RORA: variants seen among roughly 807,000 people sequenced by gnomAD.
RORA encodes RAR related orphan receptor A, also known as nuclear receptor ROR-alpha.
A neutral mutation model predicts 69.5 loss-of-function variants in RORA; 7 were observed. That is an observed-to-expected ratio of 0.10 (90% CI 0.06 to 0.19). The LOEUF (loss-of-function observed/expected upper bound fraction) is 0.19. Among genes scored for constraint, RORA ranks in the 10% least tolerant of loss-of-function variants. The pLI is 1.00. For missense variants in RORA, 457 were observed against 663.0 expected (o/e 0.69, Z 3.41); for synonymous variants, 261 against 240.8 (o/e 1.08, Z -0.78).
At chr15:61,065,843 A>G (rs1320948496) in intron 1 of RORA, among the ~76,000 whole-genome samples, 1 of 152,002 alleles carries the variant, frequency 6.6e-6, no homozygotes, top group Non-Finnish European at 1.5e-5. Context: ...CTCTGATCCT[A>G]CTCCTTTAAT....
chr15:61,027,294 C>T (rs1197670987), intron 1 of RORA, among the ~76,000 whole-genome samples: 1 of 152,170 alleles, frequency 6.6e-6, no homozygotes, highest in Non-Finnish European at 1.5e-5. Context: ...TCATTTTAGT[C>T]TTGGCCTGAA....
At position 61,066,837 on chromosome 15, in the gene RORA, C is replaced by A. The variant is rs760475222; in HGVS notation, c.166+162216G>T. On this transcript the variant is annotated intron_variant, in intron 1 of 10. Transcript: ENST00000335670. Reference sequence around the variant, plus strand: ...AGTCCAAAGAGTCCAAATCTTCCTTCTTCTAGATCCACATGCTATGAAAGG... The same window carrying A: ...AGTCCAAAGAGTCCAAATCTTCCTTATTCTAGATCCACATGCTATGAAAGG... Among the ~76,000 whole-genome samples, 185 of 138,530 alleles carry A rather than the reference C, an allele frequency of 1.3e-3. 3 individuals are homozygous for A. Among genetic ancestry groups the A allele is most frequent in the Non-Finnish European group, 3.0e-4 (20 of 66,114 alleles). The allele number at this position is 138,530 out of a possible 152,430, so 90.9% of individuals were successfully genotyped here. A position where few individuals can be genotyped will look rare whatever the true frequency, so the allele number is the denominator to read the frequency against.
rs1303135569 is a variant in RORA at position 60,492,901 on chromosome 15, T to C, written c.*4554A>G. The C allele has an allele frequency of 6.6e-6, 1 of 152,072 alleles. No individual in the cohort carries two copies. The highest frequency in any genetic ancestry group is 1.5e-5 in the Non-Finnish European group (1 of 67,984). 9.4% of individuals were successfully genotyped at this position (152,072 alleles called of 1,614,324 possible). ...ATAGTTCACTTGTGCCTTGGAGGGA[T>C]AGTATTATTATCATTATTATTAATA... On this transcript the variant is annotated 3_prime_UTR_variant, in exon 11 of 11. Transcript: ENST00000335670.
At chr15:61,182,039 A>T (rs1371690947) in intron 1 of RORA, among the ~76,000 whole-genome samples, 2 of 152,202 alleles carry the variant, frequency 1.3e-5, no homozygotes, top group Non-Finnish European at 1.5e-5. Flanking sequence ...CCCTTAATGG[A>T]TGTCTCAATT....
intron 1 of RORA, among the ~76,000 whole-genome samples, chr15:60,858,692 T>TACACACAC (rs3053884): frequency 0.15 from 21,295 of 142,718 alleles, 1,703 homozygotes; most frequent in East Asian, 0.31. Flanking sequence ...AGAAAGAAAA[T>TACACACAC]ACACACACAC....
intron 2 of RORA, among the ~76,000 whole-genome samples, chr15:60,620,844 C>T (rs2069384486): frequency 6.6e-6 from 1 of 152,206 alleles, no homozygotes; most frequent in South Asian, 2.1e-4. Context: ...GGGGGACAGC[C>T]CGGAGCTCCG....
chr15:60,866,669 G>A (rs2073490897), intron 1 of RORA, among the ~76,000 whole-genome samples: 1 of 152,104 alleles, frequency 6.6e-6, no homozygotes, highest in Non-Finnish European at 1.5e-5. Context: ...ATGCCTACAT[G>A]ACAAAGCTGC....
chr15:60,956,234 GT>G (rs796500717), intron 1 of RORA, among the ~76,000 whole-genome samples: 7 of 148,508 alleles, frequency 4.7e-5, no homozygotes, highest in African/African-American at 1.7e-4. Context: ...ACAATGACTT[GT>G]TTTTTTTTTC....
intron 2 of RORA, among the ~76,000 whole-genome samples, chr15:60,647,019 G>A (rs2070058340): frequency 6.6e-6 from 1 of 152,196 alleles, no homozygotes; most frequent in South Asian, 2.1e-4. Flanking sequence ...CCTGGAAGAG[G>A]AGTCTAGCAA....
intron 1 of RORA, among the ~76,000 whole-genome samples, chr15:61,149,426 C>T (rs1834370110): frequency 6.6e-6 from 1 of 152,080 alleles, no homozygotes; most frequent in Non-Finnish European, 1.5e-5. Flanking sequence ...CAAAAGAACC[C>T]CACCACCACT....
chr15:60,994,340 T>C (rs1355121248), intron 1 of RORA, among the ~76,000 whole-genome samples: 2 of 152,254 alleles, frequency 1.3e-5, no homozygotes, highest in Non-Finnish European at 2.9e-5. Flanking sequence ...TCAAATGTAG[T>C]AGCTGTAACT....
intron 2 of RORA, among the ~76,000 whole-genome samples, chr15:60,660,166 A>G (rs1218455843): frequency 6.6e-6 from 1 of 152,210 alleles, no homozygotes; most frequent in Non-Finnish European, 1.5e-5. Flanking sequence ...TGTCTTTTAA[A>G]TATTTCTTTT....
intron 1 of RORA, among the ~76,000 whole-genome samples, chr15:60,839,620 C>T (rs2073170042): frequency 6.6e-6 from 1 of 152,152 alleles, no homozygotes; most frequent in Non-Finnish European, 1.5e-5. Flanking sequence ...GTGCACGTGG[C>T]AGAGAGGAAC....
At chr15:61,190,663 T>G (rs2079789975) in intron 1 of RORA, among the ~76,000 whole-genome samples, 1 of 152,058 alleles carries the variant, frequency 6.6e-6, no homozygotes, top group Middle Eastern at 3.4e-3. Flanking sequence ...AAGGAGGATC[T>G]CTTGAGCCTG....
rs1366202220 is a variant in RORA, at chr15:61,213,703, G to A, written c.166+15350C>T. 6 of 152,060 alleles carry A rather than the reference G, an allele frequency of 3.9e-5. No homozygotes were observed. The highest frequency in any genetic ancestry group is 1.3e-4 in the Admixed American group (2 of 15,266). 9.4% of individuals were successfully genotyped at this position (152,060 alleles called of 1,614,324 possible). A position where few individuals can be genotyped will look rare whatever the true frequency, so the allele number is the denominator to read the frequency against. ...TTTTCTCCTTCTTCTCTATGTTATAGGTTTCCTAAGTATCTCTACTATAGC... is the reference window on the plus strand; with the variant it reads ...TTTTCTCCTTCTTCTCTATGTTATAAGTTTCCTAAGTATCTCTACTATAGC... On this transcript the variant is annotated intron_variant, in intron 1 of 10. Coordinates refer to ENST00000335670, the MANE Select transcript of RORA (RefSeq NM_134261.3). This position sits in a 1 kb window ranked among gnomAD's most constrained non-coding sequence, Gnocchi z 4.1.
At chr15:60,779,777 G>A (rs538816970) in intron 1 of RORA, among the ~76,000 whole-genome samples, 1 of 152,318 alleles carries the variant, frequency 6.6e-6, no homozygotes, top group African/African-American at 2.4e-5. Context: ...AGGAATTGCT[G>A]TAAACTGATA....
chr15:61,016,630 C>A (rs1371145035), intron 1 of RORA, among the ~76,000 whole-genome samples: 1 of 152,078 alleles, frequency 6.6e-6, no homozygotes, highest in Non-Finnish European at 1.5e-5. Flanking sequence ...GAGTCTACAT[C>A]GTCATAAGCT....
intron 1 of RORA, among the ~76,000 whole-genome samples, chr15:61,029,890 G>A (rs1228604945): frequency 6.6e-6 from 1 of 152,168 alleles, no homozygotes; most frequent in African/African-American, 2.4e-5. Context: ...GCTCACTGGA[G>A]AGGCCTGGGC....
At chr15:60,857,610 C>A (rs1418117063) in intron 1 of RORA, among the ~76,000 whole-genome samples, 1 of 152,036 alleles carries the variant, frequency 6.6e-6, no homozygotes, top group African/African-American at 2.4e-5. Flanking sequence ...AAGCATCCAG[C>A]CAAGCAGAAG....
Sources: gnomAD v4.1 joint callset for allele counts (sites outside exome capture counted in the v4.1 genomes callset) on GRCh38, gnomAD v4.1.1 for gene constraint, Gnocchi (gnomAD v3.1) non-coding constraint, MANE v1.5 for transcripts, NCBI Gene and HGNC (gene_info 2026-07-23, HGNC 2026-07-21) for gene names.